The following SLC36A1 variants were observed in gnomAD, a reference collection of about 807,000 sequenced individuals.
SLC36A1 encodes the protein solute carrier family 36 member 1, also known as proton-coupled amino acid transporter 1.
In SLC36A1, 30 loss-of-function variants were observed where a neutral mutation model predicts 47.5. The ratio of observed to expected loss-of-function variants is 0.63; its 90% confidence interval spans 0.47 to 0.86. The LOEUF is 0.86. SLC36A1 is among the 40% of genes least tolerant of loss of function. The probability of loss-of-function intolerance (pLI) is 0.00; values close to 1 mark genes in which losing one functional copy is unlikely to be tolerated. For missense variants in SLC36A1, 517 were observed against 606.0 expected (o/e 0.85, Z 1.54); for synonymous variants, 255 against 249.7 (o/e 1.02, Z -0.20).
At chr5:151,468,127 G>T (rs996382715) in intron 7 of SLC36A1, among the ~76,000 whole-genome samples, 4 of 149,702 alleles carry the variant, frequency 2.7e-5, no homozygotes, top group African/African-American at 9.9e-5. Context: ...GGGGGTGTGG[G>T]CCTAATCTCA....
the SLC36A1 span, among the ~76,000 whole-genome samples, chr5:151,373,217 G>A: frequency 6.6e-6 from 1 of 152,060 alleles, no homozygotes; most frequent in Admixed American, 6.5e-5. Flanking sequence ...AGGATGTTTT[G>A]AGTTCAGGAG....
At chr5:151,399,084 A>ATATATATTTTTTTT in the SLC36A1 span, among the ~76,000 whole-genome samples, 6 of 60,032 alleles carry the variant, frequency 1.0e-4, no homozygotes, top group Admixed American at 9.1e-4. Context: ...ATATATATAT[A>ATATATATTTTTTTT]TTTTTTTTTT....
chr5:151,367,545 CTA>C, the SLC36A1 span, among the ~76,000 whole-genome samples: 2 of 151,950 alleles, frequency 1.3e-5, no homozygotes, highest in Non-Finnish European at 2.9e-5. Context: ...ATAAAAATCA[CTA>C]TTATTCTGTT....
chr5:151,531,602 G>A, the SLC36A1 span: 9 of 1,612,576 alleles, frequency 5.6e-6, no homozygotes, highest in African/African-American at 2.7e-5. The surrounding 1 kb of genome is among the most constrained non-coding windows in gnomAD (Gnocchi z 5.7). Context: ...CGAGCATCCA[G>A]GCGGAACCTG....
At position 151,469,215 on chromosome 5, in the gene SLC36A1, C is replaced by T. The variant is rs553886762; in HGVS notation, c.723+1290C>T. ...CACCCCGAGTCTCCTCTCAGGGACC[C>T]GCTGTATGTGATTGGTCTGTCTCAT... is the stretch of plus-strand genomic sequence containing the variant. On this transcript the variant is annotated intron_variant, in intron 7 of 10. Transcript: ENST00000243389. 1,206 of 697,822 alleles carry T rather than the reference C, an allele frequency of 1.7e-3. 18 individuals carry two copies. The highest frequency in any genetic ancestry group is 0.015 in the South Asian group (1,028 of 66,840). The allele number at this position is 697,822 out of a possible 1,614,324, so 43.2% of individuals were successfully genotyped here. A position where few individuals can be genotyped will look rare whatever the true frequency, so the allele number is the denominator to read the frequency against.
chr5:151,534,267 T>C, the SLC36A1 span: 16 of 592,200 alleles, frequency 2.7e-5, no homozygotes, highest in Non-Finnish European at 4.5e-5. Context: ...TGAGGATAAA[T>C]ACTTTTTACT....
At chr5:151,528,144 G>A in the SLC36A1 span, 1 of 1,612,986 alleles carries the variant, frequency 6.2e-7, no homozygotes, top group Non-Finnish European at 8.5e-7. Flanking sequence ...CTGCGGTGGG[G>A]TAGGGGGATT....
intron 10 of SLC36A1, among the ~76,000 whole-genome samples, chr5:151,481,247 G>T (rs886517952): frequency 6.6e-6 from 1 of 152,160 alleles, no homozygotes; most frequent in Admixed American, 6.5e-5. Context: ...GTGTGCAGTT[G>T]TTTTTCCCTT....
the SLC36A1 span, chr5:151,521,663 C>T: frequency 1.9e-6 from 3 of 1,614,084 alleles, no homozygotes; most frequent in Non-Finnish European, 2.5e-6. Flanking sequence ...TGGTCACTCA[C>T]CAGCTCCTCG....
the SLC36A1 span, chr5:151,554,294 G>C: frequency 6.9e-7 from 1 of 1,452,632 alleles, no homozygotes. Flanking sequence ...CCCTCCTCCT[G>C]AATTCTCAAA....
the SLC36A1 span, chr5:151,521,301 G>A: frequency 1.1e-4 from 177 of 1,611,414 alleles, 1 homozygote; most frequent in South Asian, 1.9e-3. Context: ...TCCTCTGCAG[G>A]TGGTGCCGCG....
At chr5:151,451,902 G>A (rs747874518) in intron 1 of SLC36A1, among the ~76,000 whole-genome samples, 13 of 152,094 alleles carry the variant, frequency 8.5e-5, no homozygotes, top group Non-Finnish European at 1.6e-4. Flanking sequence ...AAAGAATACT[G>A]GACTGGGATG....
the SLC36A1 span, chr5:151,517,663 G>GC: frequency 6.2e-7 from 1 of 1,614,162 alleles, no homozygotes; most frequent in Middle Eastern, 1.7e-4. Context: ...TAGAAGAATG[G>GC]CCTGTGGCTG....
At chr5:151,433,709 A>C (rs935369762), upstream of SLC36A1, among the ~76,000 whole-genome samples, 19 of 152,064 alleles carry the variant, frequency 1.2e-4, no homozygotes, top group African/African-American at 4.6e-4. Flanking sequence ...ACCTGAGTGG[A>C]ATGCAGCTAC....
chr5:151,531,663 G>A, the SLC36A1 span: 1 of 1,613,816 alleles, frequency 6.2e-7, no homozygotes, highest in Non-Finnish European at 8.5e-7. The surrounding 1 kb of genome is among the most constrained non-coding windows in gnomAD (Gnocchi z 5.7). Flanking sequence ...CTGCGCCCGG[G>A]CGAGTGAGGG....
At position 151,473,206 on chromosome 5, in the gene SLC36A1, ATAGATAG is replaced by A. The variant is rs1561768196; in HGVS notation, c.724-466_724-460del. On this transcript the variant is annotated intron_variant, in intron 7 of 10. Transcript: ENST00000243389. ...GATAGATAGATAGATAGATAGATAG[ATAGATAG>A]ATAGATAGATAGAATATATATTCTG... Among the ~76,000 whole-genome samples the A allele has an allele frequency of 8.1e-4, 123 of 151,706 alleles. 1 individual carries two copies. The highest frequency in any genetic ancestry group is 2.9e-3 in the African/African-American group (118 of 41,344).
the SLC36A1 span, among the ~76,000 whole-genome samples, chr5:151,409,680 G>A: frequency 6.6e-6 from 1 of 152,318 alleles, no homozygotes; most frequent in Middle Eastern, 3.4e-3. Flanking sequence ...ATTGTAATAA[G>A]GCCCCCAGGA....
chr5:151,387,270 C>T, the SLC36A1 span: 1 of 152,338 alleles, frequency 6.6e-6, no homozygotes, highest in Admixed American at 6.5e-5. Context: ...GATCCACGCA[C>T]AGACACCAGC....
At chr5:151,520,646 G>C in the SLC36A1 span, among the ~76,000 whole-genome samples, 1 of 152,142 alleles carries the variant, frequency 6.6e-6, no homozygotes, top group Admixed American at 6.5e-5. Flanking sequence ...AACTCCAGGA[G>C]GCAGATGTAT....
Sources: gnomAD v4.1 joint callset for allele counts (sites outside exome capture counted in the v4.1 genomes callset) on GRCh38, gnomAD v4.1.1 for gene constraint, Gnocchi (gnomAD v3.1) non-coding constraint, MANE v1.5 for transcripts, NCBI Gene and HGNC (gene_info 2026-07-23, HGNC 2026-07-21) for gene names.